The following DAAM1 variants were observed in gnomAD, a reference collection of about 807,000 sequenced individuals.
The protein encoded by DAAM1 is dishevelled associated activator of morphogenesis 1, also known as disheveled-associated activator of morphogenesis 1.
A neutral mutation model predicts 130.0 loss-of-function variants in DAAM1; 52 were observed. The ratio of observed to expected loss-of-function variants is 0.40; its 90% confidence interval spans 0.32 to 0.50. The LOEUF (loss-of-function observed/expected upper bound fraction) is 0.50. Ranked by LOEUF, DAAM1 falls within the 20% of genes least tolerant of loss-of-function variation. DAAM1 has a pLI of 0.61. For synonymous variants in DAAM1, 452 were observed against 444.5 expected (o/e 1.02, Z -0.21); for missense variants, 1,134 against 1,303.8 (o/e 0.87, Z 2.01).
chr14:59,359,375 C>T (rs112097404), intron 20 of DAAM1, 22 bp from the exon 21 acceptor site: 27 of 1,529,142 alleles, frequency 1.8e-5, no homozygotes, highest in African/African-American at 1.5e-4. Flanking sequence ...ATGTTTAATA[C>T]TCTTCCCTTC....
intron 16 of DAAM1, among the ~76,000 whole-genome samples, chr14:59,342,171 A>G (rs1885874367): frequency 6.6e-6 from 1 of 152,218 alleles, no homozygotes; most frequent in South Asian, 2.1e-4. Flanking sequence ...TATCTGTCAG[A>G]TTATCAATTA....
chr14:59,356,386 C>G (rs752838987), intron 20 of DAAM1, among the ~76,000 whole-genome samples: 5 of 152,146 alleles, frequency 3.3e-5, no homozygotes, highest in Non-Finnish European at 7.4e-5. Flanking sequence ...AGCCCTGCCA[C>G]CTTATTTTTA....
At chr14:59,338,311 C>T in intron 15 of DAAM1, 2 of 1,455,370 alleles carry the variant, frequency 1.4e-6, no homozygotes, top group Non-Finnish European at 1.9e-6. Context: ...CTTTGACTTT[C>T]CCCCATTTGT....
chr14:59,279,694 GAGA>G (rs1296957841), intron 2 of DAAM1, among the ~76,000 whole-genome samples: 6 of 152,062 alleles, frequency 3.9e-5, no homozygotes, highest in African/African-American at 1.4e-4. Context: ...GAATTTCTTA[GAGA>G]AGATTTACAA....
intron 16 of DAAM1, among the ~76,000 whole-genome samples, chr14:59,346,053 A>G (rs1016925150): frequency 2.0e-5 from 3 of 147,216 alleles, no homozygotes; most frequent in Non-Finnish European, 3.0e-5. Context: ...TGTTCTTTCT[A>G]TGGCCAGGAA....
intron 1 of DAAM1, among the ~76,000 whole-genome samples, chr14:59,195,649 A>G (rs367902658): frequency 6.6e-6 from 1 of 152,158 alleles, no homozygotes; most frequent in East Asian, 1.9e-4. Context: ...TGCCTATCTG[A>G]TAGACTTCCT....
chr14:59,280,733 T>C (rs1262514420), intron 2 of DAAM1, among the ~76,000 whole-genome samples: 1 of 152,048 alleles, frequency 6.6e-6, no homozygotes, highest in Non-Finnish European at 1.5e-5. Flanking sequence ...AAAGGCAGGA[T>C]AGGCTACCTG....
intron 15 of DAAM1, among the ~76,000 whole-genome samples, chr14:59,332,778 T>C (rs1345234890): frequency 6.6e-6 from 1 of 151,948 alleles, no homozygotes; most frequent in Non-Finnish European, 1.5e-5. Flanking sequence ...AAAACTTGAG[T>C]CCAGTAGTGT....
At chr14:59,308,606 C>A (rs1346652069) in intron 3 of DAAM1, among the ~76,000 whole-genome samples, 1 of 152,100 alleles carries the variant, frequency 6.6e-6, no homozygotes, top group East Asian at 1.9e-4. Context: ...TGCTGGTAAC[C>A]TTATAAGGGA....
At chr14:59,316,187 T>C (rs1203847523) in intron 4 of DAAM1, among the ~76,000 whole-genome samples, 2 of 152,226 alleles carry the variant, frequency 1.3e-5, no homozygotes, top group Non-Finnish European at 2.9e-5. Context: ...CAATCTGTTA[T>C]ATTCATGTTT....
intron 5 of DAAM1, among the ~76,000 whole-genome samples, chr14:59,321,153 A>G (rs1209594389): frequency 3.3e-5 from 5 of 152,244 alleles, no homozygotes; most frequent in African/African-American, 1.2e-4. Flanking sequence ...AAGTACTGAT[A>G]CATGCTACAA....
intron 6 of DAAM1, 95 bp from the exon 7 acceptor site, chr14:59,324,033 A>G (rs1885116843): frequency 3.8e-6 from 3 of 785,512 alleles, no homozygotes; most frequent in Admixed American, 3.6e-5. Context: ...CTCCGTCTGA[A>G]AAAAAAAAAA....
At position 59,369,643 on chromosome 14, in the gene DAAM1, A is replaced by G. The variant is rs964582209; in HGVS notation, c.*784A>G. ...CAATCCATGCTTTTTTTAAAGAACA[A>G]CATTGCCAGAGTATGCTTGTTCTAA... is the stretch of plus-strand genomic sequence containing the variant. On this transcript the variant is annotated 3_prime_UTR_variant, in exon 25 of 25. Transcript: ENST00000360909. 1.3e-5 allele frequency: 2 copies of G among 152,150 alleles called. No individual in the cohort carries two copies. Among genetic ancestry groups the G allele is most frequent in the South Asian group, 2.1e-4 (1 of 4,814 alleles). The allele number at this position is 152,150 out of a possible 1,614,324, so 9.4% of individuals were successfully genotyped here.
intron 1 of DAAM1, among the ~76,000 whole-genome samples, chr14:59,242,046 C>T (rs2053298): frequency 0.36 from 54,845 of 151,942 alleles, 10,440 homozygotes; most frequent in East Asian, 0.5. Flanking sequence ...TGGAAGAGAC[C>T]TTGAAGATTC....
At chr14:59,263,418 C>G in intron 1 of DAAM1, 23 bp from the exon 2 acceptor site, 1 of 1,595,660 alleles carries the variant, frequency 6.3e-7, no homozygotes, top group Non-Finnish European at 8.6e-7. Flanking sequence ...TACTCTTAAC[C>G]ATGTCATATC....
At chr14:59,209,409 C>A (rs1264471496) in intron 1 of DAAM1, among the ~76,000 whole-genome samples, 1 of 152,098 alleles carries the variant, frequency 6.6e-6, no homozygotes, top group Non-Finnish European at 1.5e-5. Flanking sequence ...ACAAAAGGTG[C>A]GTAATTTTCG....
At chr14:59,202,491 T>G (rs1298281648) in intron 1 of DAAM1, among the ~76,000 whole-genome samples, 2 of 151,992 alleles carry the variant, frequency 1.3e-5, no homozygotes, top group Non-Finnish European at 2.9e-5. Context: ...AAGCAACACC[T>G]TAAAACATCA....
intron 3 of DAAM1, among the ~76,000 whole-genome samples, chr14:59,292,791 T>G (rs1456837444): frequency 2.0e-5 from 3 of 152,326 alleles, no homozygotes; most frequent in African/African-American, 7.2e-5. Context: ...AACTAAAGCC[T>G]TAAGAGTTCT....
chr14:59,325,210 T>A (rs1004330823), intron 8 of DAAM1, among the ~76,000 whole-genome samples: 1 of 152,178 alleles, frequency 6.6e-6, no homozygotes, highest in Non-Finnish European at 1.5e-5. Flanking sequence ...CCTGATGTGT[T>A]TGTCTTCATA....
Sources: gnomAD v4.1 joint callset for allele counts (sites outside exome capture counted in the v4.1 genomes callset) on GRCh38, gnomAD v4.1.1 for gene constraint, MANE v1.5 for transcripts, NCBI Gene and HGNC (gene_info 2026-07-23, HGNC 2026-07-21) for gene names.